Variants in MED13 observed in about 807,000 individuals in gnomAD.
MED13 encodes the protein mediator of RNA polymerase II transcription subunit 13.
In MED13, 23 loss-of-function variants were observed where a neutral mutation model predicts 225.2. The observed-to-expected ratio is 0.10, with a 90% CI of 0.07 to 0.14. The LOEUF is 0.14. Among genes scored for constraint, MED13 ranks in the 10% least tolerant of loss-of-function variants. MED13 has a pLI of 1.00. For synonymous variants in MED13, 942 were observed against 889.2 expected (o/e 1.06, Z -1.06); for missense variants, 2,197 against 2,594.5 (o/e 0.85, Z 3.33).
rs752382618 is a variant in MED13 at position 61,983,076 on chromosome 17, T to A, written c.2927A>T (p.Tyr976Phe). 4 of 1,613,072 alleles carry A rather than the reference T, an allele frequency of 2.5e-6. No homozygotes were observed. The highest frequency in any genetic ancestry group is 3.4e-6 in the Non-Finnish European group (4 of 1,179,538). The change falls in exon 16 of 30, where the codon TAT becomes TTT. Residue 976 changes from tyrosine to phenylalanine, a missense_variant. Around this residue, in one of 12 missense-constraint regions of MED13, gnomAD observed 160 missense variants for 184.8 expected, o/e 0.87. Coordinates refer to ENST00000397786, the MANE Select transcript of MED13 (RefSeq NM_005121.3). ...AAAAGAAGTATGAGTTTGAGGTGTA[T>A]AAGCAGTGCCATATTCTTGATCCAT... ...SNMDQEYGTA[Y>F]TPQTHTSFGM...
At position 61,961,725 on chromosome 17, in the gene MED13, A is replaced by C; in HGVS notation, c.5119T>G (p.Tyr1707Asp). Reference protein sequence around the residue: ...QPVKHEDREIYPQHLKSLAFS... With the variant: ...QPVKHEDREIDPQHLKSLAFS... ...GCCAGGGATTTTAAATGCTGGGGAT[A>C]GATTTCTCTATCTTCATGCTTCACA... The change falls in exon 22 of 30, where the codon TAT becomes GAT. Residue 1707 changes from tyrosine to aspartate, a missense_variant. Physicochemically the swap from Tyr to Asp is radical, Grantham distance 160. Around this residue, in one of 12 missense-constraint regions of MED13, gnomAD observed 457 missense variants for 442.2 expected, o/e 1.03. Transcript: ENST00000397786. The C allele has an allele frequency of 6.2e-7, 1 of 1,614,080 alleles. No individual in the cohort carries two copies. Among genetic ancestry groups the C allele is most frequent in the Non-Finnish European group, 8.5e-7 (1 of 1,180,000 alleles).
Position 61,946,355 on chromosome 17 carries a change from GA to G in MED13, c.*112del. The G allele has an allele frequency of 8.0e-7, 1 of 1,257,692 alleles. No homozygotes were observed. Among genetic ancestry groups the G allele is most frequent in the Non-Finnish European group, 1.1e-6 (1 of 913,276 alleles). 77.9% of individuals were successfully genotyped at this position (1,257,692 alleles called of 1,614,324 possible). A position where few individuals can be genotyped will look rare whatever the true frequency, so the allele number is the denominator to read the frequency against. ...AAAACAATATTTGTTGAAGTAATAA[GA>G]ATTAGACCCCATCACAAATGACCTT... On this transcript the variant is annotated 3_prime_UTR_variant, in exon 30 of 30. Coordinates refer to ENST00000397786, the MANE Select transcript of MED13 (RefSeq NM_005121.3).
At chr17:62,004,958 G>A (rs1047543001) in intron 9 of MED13, 1 of 149,974 alleles carries the variant, frequency 6.7e-6, no homozygotes, top group Non-Finnish European at 1.5e-5. Context: ...GGAGTGCAGT[G>A]GAGTGATCTC....
At chr17:61,974,220 T>C (rs187104734) in intron 16 of MED13, among the ~76,000 whole-genome samples, 150 of 152,076 alleles carry the variant, frequency 9.9e-4, no homozygotes, top group Middle Eastern at 3.4e-3. Context: ...ACAGGCAGCC[T>C]GCGCAACATG....
chr17:61,969,364 A>C (rs1345864690), intron 17 of MED13, among the ~76,000 whole-genome samples: 1 of 149,466 alleles, frequency 6.7e-6, no homozygotes. Flanking sequence ...AAAACAAACA[A>C]ACAAAAAATT....
chr17:62,016,690 A>T (rs1403388017), intron 8 of MED13, among the ~76,000 whole-genome samples: 1 of 152,232 alleles, frequency 6.6e-6, no homozygotes, highest in Non-Finnish European at 1.5e-5. Context: ...ATGTCAAAAT[A>T]ATATTTTAGA....
chr17:62,045,598 T>C (rs183000592), intron 3 of MED13, among the ~76,000 whole-genome samples: 63 of 152,196 alleles, frequency 4.1e-4, no homozygotes, highest in Admixed American at 9.8e-4. Flanking sequence ...GTTCAGAATA[T>C]CTTTTATAGA....
chr17:61,998,876 G>A (rs1172248531), intron 9 of MED13, among the ~76,000 whole-genome samples: 1 of 150,208 alleles, frequency 6.7e-6, no homozygotes, highest in Non-Finnish European at 1.5e-5. Flanking sequence ...TGGGATTACA[G>A]GTGTGAGCTA....
At chr17:62,046,122 A>C (rs1603408572) in intron 3 of MED13, among the ~76,000 whole-genome samples, 1 of 152,318 alleles carries the variant, frequency 6.6e-6, no homozygotes, top group East Asian at 1.9e-4. Context: ...TATAATACTT[A>C]TGTTTCAGAA....
At chr17:61,948,632 T>TA (rs1409624958) in intron 28 of MED13, among the ~76,000 whole-genome samples, 5 of 151,664 alleles carry the variant, frequency 3.3e-5, no homozygotes, top group Non-Finnish European at 7.4e-5. Context: ...CACCAAAGAC[T>TA]ACTAGTATAT....
intron 9 of MED13, among the ~76,000 whole-genome samples, chr17:62,008,817 A>T (rs2080479470): frequency 6.6e-6 from 1 of 152,180 alleles, no homozygotes; most frequent in Non-Finnish European, 1.5e-5. Context: ...GAGAGCTGAA[A>T]ACAAGTCTAG....
Position 61,955,458 on chromosome 17 carries a change from A to G in MED13, c.5892T>C (p.Pro1964=), listed in dbSNP as rs2079934409. 4 of 1,600,450 alleles carry G rather than the reference A, an allele frequency of 2.5e-6. No homozygotes were observed. The African/African-American group carries it at 4.0e-5, about 16-fold the overall frequency. Residue 1964 remains proline (P), a synonymous_variant, in exon 26 of 30, where the codon CCT becomes CCC. Transcript: ENST00000397786. ...DTSCTHILVF[P]TSASVQVASA... Reference sequence around the variant, plus strand: ...AAGCTACTTGCACAGAAGCAGAAGTAGGAAACACAAGTATATGAGTACATG... The same window carrying G: ...AAGCTACTTGCACAGAAGCAGAAGTGGGAAACACAAGTATATGAGTACATG...
intron 6 of MED13, chr17:62,030,938 T>C (rs979778546): frequency 6.6e-6 from 1 of 152,294 alleles, no homozygotes; most frequent in African/African-American, 2.4e-5. Context: ...GGGTTTATTT[T>C]TGTAGGACTT....
intron 26 of MED13, 50 bp from the exon 27 acceptor site, chr17:61,953,163 T>A: frequency 6.4e-7 from 1 of 1,557,876 alleles, no homozygotes. Flanking sequence ...CCATATCCTA[T>A]GGTCATTCAC....
chr17:61,987,975 T>G (rs2080262976), intron 11 of MED13, among the ~76,000 whole-genome samples: 1 of 151,898 alleles, frequency 6.6e-6, no homozygotes, highest in South Asian at 2.1e-4. Context: ...GCTTCTGGGC[T>G]CAAGCAATCT....
chr17:61,968,849 T>C (rs1319291533), intron 17 of MED13, among the ~76,000 whole-genome samples: 1 of 152,172 alleles, frequency 6.6e-6, no homozygotes, highest in Non-Finnish European at 1.5e-5. Flanking sequence ...CCTGCTGGGC[T>C]CAAGCAATCC....
chr17:62,015,819 T>TAC (rs200294393), intron 8 of MED13, among the ~76,000 whole-genome samples: 14,812 of 120,150 alleles, frequency 0.12, 1,448 homozygotes, highest in East Asian at 0.42. Flanking sequence ...TATATATACA[T>TAC]ACACACTATA....
chr17:61,968,116 G>T lies in MED13; in HGVS notation c.4110C>A (p.Ala1370=), dbSNP rs1432397325. The change falls in exon 18 of 30, where the codon GCC becomes GCA. Residue 1370 remains alanine, a synonymous_variant. Coordinates refer to ENST00000397786, the MANE Select transcript of MED13 (RefSeq NM_005121.3). ...CATTTTCTGGACACAGTACAACATAGGCTATATCTCTTTGAGATCCATAGG... is the reference window on the plus strand; with the variant it reads ...CATTTTCTGGACACAGTACAACATATGCTATATCTCTTTGAGATCCATAGG... ...LEPYGSQRDI[A]YVVLCPENEA... The T allele has an allele frequency of 1.2e-6, 2 of 1,613,840 alleles. No homozygotes were observed. Among genetic ancestry groups the T allele is most frequent in the Non-Finnish European group, 1.7e-6 (2 of 1,179,972 alleles).
intron 17 of MED13, 47 bp downstream of exon 17, chr17:61,972,679 GA>G: frequency 6.8e-7 from 1 of 1,469,140 alleles, no homozygotes; most frequent in Non-Finnish European, 9.2e-7. Context: ...ACAGAAATCT[GA>G]GGACTGATAT....
Sources: gnomAD v4.1 joint callset for allele counts (sites outside exome capture counted in the v4.1 genomes callset) on GRCh38, gnomAD v4.1.1 for gene constraint, gnomAD v4.1.1 regional missense constraint, MANE v1.5 for transcripts, NCBI Gene and HGNC (gene_info 2026-07-23, HGNC 2026-07-21) for gene names.